The following SEM1 variants were observed in gnomAD, a reference collection of about 807,000 sequenced individuals.
SEM1 encodes 26S proteasome complex subunit SEM1.
In SEM1, 3 loss-of-function variants were observed where a neutral mutation model predicts 12.7. The ratio of observed to expected loss-of-function variants is 0.24; its 90% confidence interval spans 0.11 to 0.61. The LOEUF (loss-of-function observed/expected upper bound fraction) is 0.61. Among genes scored for constraint, SEM1 ranks in the 20% least tolerant of loss-of-function variants. The pLI is 0.88. For synonymous variants in SEM1, 30 were observed against 27.8 expected, an observed-to-expected ratio of 1.08 and a Z score of -0.25; for missense variants, 59 against 81.3, an observed-to-expected ratio of 0.73 and a Z score of 1.06.
intron 2 of SEM1, among the ~76,000 whole-genome samples, chr7:96,613,685 C>T (rs1297783518): frequency 6.6e-6 from 1 of 152,194 alleles, no homozygotes; most frequent in Non-Finnish European, 1.5e-5. Flanking sequence ...GCCAATGTCT[C>T]TCCTTTCTCT....
chr7:96,548,710 T>C (rs914197558), intron 2 of SEM1, among the ~76,000 whole-genome samples: 1 of 152,158 alleles, frequency 6.6e-6, no homozygotes, highest in Non-Finnish European at 1.5e-5. Context: ...AAATATAAAC[T>C]CTTTGAGCAC....
intron 2 of SEM1, among the ~76,000 whole-genome samples, chr7:96,662,795 C>T (rs749304992): frequency 1.3e-5 from 2 of 152,144 alleles, no homozygotes; most frequent in African/African-American, 2.4e-5. Context: ...TACACAAAAA[C>T]TAACTCAATA....
At chr7:96,521,595 G>A (rs981381304) in intron 2 of SEM1, among the ~76,000 whole-genome samples, 2 of 152,144 alleles carry the variant, frequency 1.3e-5, no homozygotes, top group Admixed American at 6.5e-5. Flanking sequence ...AACTCGGCAC[G>A]GTATTTTCGG....
downstream of SEM1, chr7:96,688,756 C>A: frequency 1.8e-6 from 1 of 546,578 alleles, no homozygotes; most frequent in Non-Finnish European, 3.2e-6. Flanking sequence ...GACTTCTGAA[C>A]CAAACCAAGA....
intron 2 of SEM1, among the ~76,000 whole-genome samples, chr7:96,545,688 A>G (rs899308332): frequency 6.6e-6 from 1 of 152,074 alleles, no homozygotes; most frequent in Non-Finnish European, 1.5e-5. Flanking sequence ...AGCGTTATGC[A>G]TAGAGCCCTG....
chr7:96,502,275 C>T (rs981910151), intron 3 of SEM1, among the ~76,000 whole-genome samples: 1 of 152,072 alleles, frequency 6.6e-6, no homozygotes. Flanking sequence ...GGCTCTATAC[C>T]ACTGTAGTAT....
At chr7:96,590,859 G>A (rs1371721550) in intron 2 of SEM1, among the ~76,000 whole-genome samples, 1 of 152,264 alleles carries the variant, frequency 6.6e-6, no homozygotes, top group African/African-American at 2.4e-5. Flanking sequence ...GAAGAAGATT[G>A]TCAGAGGGAG....
At chr7:96,614,899 T>C (rs1254346546) in intron 2 of SEM1, among the ~76,000 whole-genome samples, 3 of 152,236 alleles carry the variant, frequency 2.0e-5, no homozygotes, top group Non-Finnish European at 4.4e-5. Context: ...GAGGAGAGTT[T>C]ATAGTATAAG....
intron 2 of SEM1, among the ~76,000 whole-genome samples, chr7:96,676,226 A>G (rs778418603): frequency 7.9e-5 from 12 of 152,224 alleles, no homozygotes; most frequent in Non-Finnish European, 1.2e-4. Context: ...TGTGAAATAA[A>G]GACCTGGAGA....
chr7:96,497,353 C>G (rs546576491), upstream of SEM1, among the ~76,000 whole-genome samples: 17 of 152,150 alleles, frequency 1.1e-4, no homozygotes, highest in Admixed American at 9.8e-4. Context: ...TACAAAACTT[C>G]CTAACTTGTG....
intron 2 of SEM1, among the ~76,000 whole-genome samples, chr7:96,538,070 T>G (rs1184769035): frequency 6.6e-6 from 1 of 151,868 alleles, no homozygotes; most frequent in Non-Finnish European, 1.5e-5. Flanking sequence ...TTTCTTTGGT[T>G]GTTTTGAGTG....
chr7:96,566,608 T>C (rs1191889113), intron 2 of SEM1, among the ~76,000 whole-genome samples: 2 of 151,602 alleles, frequency 1.3e-5, no homozygotes, highest in Non-Finnish European at 3.0e-5. Flanking sequence ...CCATTGAATT[T>C]ATAGTATTCT....
chr7:96,687,371 G>A (rs552863065), downstream of SEM1, among the ~76,000 whole-genome samples: 1 of 152,230 alleles, frequency 6.6e-6, no homozygotes, highest in East Asian at 1.9e-4. Flanking sequence ...CAATAGCAAA[G>A]ACTTGGAACC....
intron 1 of SEM1, among the ~76,000 whole-genome samples, chr7:96,495,076 GAA>G (rs1803187359): frequency 6.8e-6 from 1 of 146,718 alleles, no homozygotes; most frequent in Admixed American, 6.9e-5. Flanking sequence ...GAGCAAGAGG[GAA>G]AGAGAGAGGG....
Position 96,483,734 on chromosome 7 carries a change from T to A in SEM1, c.*125A>T. 3.1e-6 allele frequency: 4 copies of A among 1,271,564 alleles called. No homozygotes were observed. In the East Asian group the frequency reaches 1.0e-4, roughly 32 times the overall value. 78.8% of individuals were successfully genotyped at this position (1,271,564 alleles called of 1,614,324 possible). A position where few individuals can be genotyped will look rare whatever the true frequency, so the allele number is the denominator to read the frequency against. On this transcript the variant is annotated 3_prime_UTR_variant, in exon 4 of 4. Transcript: ENST00000356686. ...TGACCCACCCAGCCACACAGAAAGCTAGGAAGTATAGTTCTACCATGTGCC... is the reference window on the plus strand; with the variant it reads ...TGACCCACCCAGCCACACAGAAAGCAAGGAAGTATAGTTCTACCATGTGCC...
intron 2 of SEM1, among the ~76,000 whole-genome samples, chr7:96,595,162 TA>T (rs975647936): frequency 2.0e-4 from 31 of 152,276 alleles, no homozygotes; most frequent in African/African-American, 6.3e-4. Flanking sequence ...AACTAGGTAA[TA>T]TTTTTTTTAA....
intron 2 of SEM1, among the ~76,000 whole-genome samples, chr7:96,678,238 G>A (rs529876264): frequency 4.6e-5 from 7 of 152,166 alleles, no homozygotes; most frequent in South Asian, 2.1e-4. Flanking sequence ...ATGTGACCTT[G>A]GGGACGGGTC....
chr7:96,514,770 A>G (rs1309733784), intron 2 of SEM1, among the ~76,000 whole-genome samples: 6 of 152,198 alleles, frequency 3.9e-5, no homozygotes, highest in African/African-American at 1.4e-4. Flanking sequence ...AGGTTTTATA[A>G]ATAAATGAAA....
rs555457367 is a variant in SEM1 at position 96,661,379 on chromosome 7, C to A, written c.170+33419G>T. Among the ~76,000 whole-genome samples, 45 of 152,238 alleles carry A rather than the reference C, an allele frequency of 3.0e-4. No homozygotes were observed. In the South Asian group the frequency reaches 4.6e-3, roughly 15 times the overall value. ...TCCCAAGTTGTTCTTAAATTCAGTG[C>A]AATTTCAATCAAAATATTAACAAAT... is the stretch of plus-strand genomic sequence containing the variant. On this transcript the variant is annotated intron_variant, in intron 2 of 2. Transcript: ENST00000417009.
Sources: gnomAD v4.1 joint callset for allele counts (sites outside exome capture counted in the v4.1 genomes callset) on GRCh38, gnomAD v4.1.1 for gene constraint, MANE v1.5 for transcripts, NCBI Gene and HGNC (gene_info 2026-07-23, HGNC 2026-07-21) for gene names.